The following MPP7 variants were observed in gnomAD, a reference collection of about 807,000 sequenced individuals.
MPP7 encodes the protein MAGUK p55 subfamily member 7.
Under a neutral mutation model 76.5 loss-of-function variants are expected in MPP7, and 60 were observed. The ratio of observed to expected loss-of-function variants is 0.78; its 90% CI spans 0.64 to 0.97. The LOEUF is 0.97. MPP7 is among the 50% of genes least tolerant of loss of function. The pLI is 0.00. For synonymous variants in MPP7, 237 were observed against 244.5 expected, an observed-to-expected ratio of 0.97 and a Z score of 0.29; for missense variants, 641 against 694.0, an observed-to-expected ratio of 0.92 and a Z score of 0.86.
intron 2 of MPP7, among the ~76,000 whole-genome samples, chr10:28,226,187 G>C (rs950570386): frequency 2.6e-5 from 4 of 151,842 alleles, no homozygotes; most frequent in African/African-American, 9.7e-5. Context: ...ATCTAAAATA[G>C]ACAAATTCTA....
intron 1 of MPP7, among the ~76,000 whole-genome samples, chr10:28,282,755 T>C (rs985118473): frequency 1.3e-5 from 2 of 151,962 alleles, no homozygotes; most frequent in Admixed American, 6.6e-5. Flanking sequence ...TGTTCGGATC[T>C]GTGTTACTCC....
intron 2 of MPP7, among the ~76,000 whole-genome samples, chr10:28,205,104 C>G (rs11006916): frequency 6.6e-6 from 1 of 152,158 alleles, no homozygotes; most frequent in African/African-American, 2.4e-5. Flanking sequence ...AAGAGCCGTA[C>G]CTTCCCTTCA....
At chr10:28,265,412 A>G (rs1840118417) in intron 1 of MPP7, among the ~76,000 whole-genome samples, 1 of 152,134 alleles carries the variant, frequency 6.6e-6, no homozygotes, top group South Asian at 2.1e-4. Context: ...TGCAAAACTT[A>G]GCCAGGCATG....
At chr10:28,289,685 C>T (rs1030158205) in intron 1 of MPP7, among the ~76,000 whole-genome samples, 7 of 152,130 alleles carry the variant, frequency 4.6e-5, no homozygotes, top group African/African-American at 9.7e-5. Context: ...AGGATCCACC[C>T]GAACCCACTC....
At chr10:28,303,430 C>T (rs1438342602), upstream of MPP7, 1 of 152,216 alleles carries the variant, frequency 6.6e-6, no homozygotes, top group Non-Finnish European at 1.5e-5. Flanking sequence ...TGCGAGTTTT[C>T]TTAAGCCGCT....
In MPP7 at chr10:28,331,034, T is replaced by C. The variant is rs1383471025; in HGVS notation, c.-205-1032A>G. Among the ~76,000 whole-genome samples, 11 of 152,334 alleles carry C rather than the reference T, an allele frequency of 7.2e-5. No homozygotes were observed. In the East Asian group the frequency reaches 1.2e-3, roughly 16 times the overall value. ...ACTGAGGACAATTTGAAATTATGTG[T>C]GTCATACTTGTTTATTTACCATCTA... On this transcript the variant is annotated intron_variant, in intron 1 of 11. Transcript: ENST00000441595.
At chr10:28,141,731 T>G (rs2985525) in intron 5 of MPP7, among the ~76,000 whole-genome samples, 138,319 of 152,094 alleles carry the variant, frequency 0.91, 62,953 homozygotes, top group African/African-American at 0.95. Context: ...AAATTGCCAC[T>G]GTCTCTGGAA....
rs533803081 is a variant in MPP7 at position 28,117,490 on chromosome 10, A to G, written c.952+2161T>C. Among the ~76,000 whole-genome samples, 225 of 152,254 alleles carry G rather than the reference A, an allele frequency of 1.5e-3. 2 individuals are homozygous for G. The highest frequency in any genetic ancestry group is 0.014 in the Middle Eastern group (4 of 294). On this transcript the variant is annotated intron_variant, in intron 11 of 16. Transcript: ENST00000683449. ...CTGTTTTTCTTCATGGCATTTTCCT[A>G]TAATTCAACAAAGGGCATGATAACG...
intron 11 of MPP7, among the ~76,000 whole-genome samples, chr10:28,095,220 T>C (rs1183320142): frequency 1.6e-5 from 2 of 125,480 alleles, no homozygotes; most frequent in East Asian, 2.1e-4. Context: ...TATATATATA[T>C]ATACAGAAAC....
At chr10:28,135,914 G>A (rs1401391367) in intron 5 of MPP7, among the ~76,000 whole-genome samples, 1 of 152,134 alleles carries the variant, frequency 6.6e-6, no homozygotes, top group Admixed American at 6.5e-5. Context: ...TAGGAACCAG[G>A]CCACACAGTA....
chr10:28,104,396 G>GT (rs1362782038), intron 11 of MPP7, among the ~76,000 whole-genome samples: 1 of 152,106 alleles, frequency 6.6e-6, no homozygotes, highest in Admixed American at 6.6e-5. Flanking sequence ...ATTTTAACAC[G>GT]TTTTTTAAAT....
chr10:28,064,282 T>C (rs1851906369), intron 13 of MPP7, among the ~76,000 whole-genome samples: 1 of 152,204 alleles, frequency 6.6e-6, no homozygotes, highest in South Asian at 2.1e-4. Flanking sequence ...GAATGAATTA[T>C]TGATGTAGGA....
chr10:28,295,275 T>C (rs1437629577), intron 1 of MPP7, among the ~76,000 whole-genome samples: 1 of 152,198 alleles, frequency 6.6e-6, no homozygotes, highest in Non-Finnish European at 1.5e-5. Context: ...CAGTGTTAGT[T>C]CATTTCCTCA....
chr10:28,071,367 T>A (rs1408686349), intron 12 of MPP7, among the ~76,000 whole-genome samples: 1 of 152,196 alleles, frequency 6.6e-6, no homozygotes, highest in Non-Finnish European at 1.5e-5. Flanking sequence ...GTTCTTGCTC[T>A]AATGCCATTT....
At position 28,187,189 on chromosome 10, in the gene MPP7, G is replaced by T. The variant is rs186789777; in HGVS notation, c.156+14964C>A. ...AATGTAGACCACGCGGGAGGGCACA[G>T]TCGCACTAAATATTCACAAATATGG... On this transcript the variant is annotated intron_variant, in intron 3 of 16. Transcript: ENST00000683449. Among the ~76,000 whole-genome samples the T allele has an allele frequency of 9.3e-3, 1,416 of 152,286 alleles. 31 individuals are homozygous for T. Among genetic ancestry groups the T allele is most frequent in the African/African-American group, 0.033 (1,359 of 41,548 alleles).
chr10:28,268,963 C>T (rs1035059895), intron 1 of MPP7, among the ~76,000 whole-genome samples: 6 of 152,104 alleles, frequency 3.9e-5, no homozygotes, highest in African/African-American at 1.4e-4. Flanking sequence ...ATTATAGACT[C>T]ATGAAACTAC....
intron 3 of MPP7, among the ~76,000 whole-genome samples, chr10:28,177,260 C>CAAAAA (rs57984876): frequency 6.7e-5 from 7 of 104,154 alleles, no homozygotes; most frequent in Non-Finnish European, 9.2e-5. Context: ...ACTAAAAATG[C>CAAAAA]AAAAAAAAAA....
At chr10:28,138,286 T>C (rs1231871441) in intron 5 of MPP7, among the ~76,000 whole-genome samples, 1 of 152,208 alleles carries the variant, frequency 6.6e-6, no homozygotes, top group African/African-American at 2.4e-5. Context: ...GATTTATTAA[T>C]GACTATCTCT....
intron 1 of MPP7, among the ~76,000 whole-genome samples, chr10:28,245,229 T>G (rs1381145703): frequency 6.6e-6 from 1 of 152,208 alleles, no homozygotes; most frequent in Non-Finnish European, 1.5e-5. Flanking sequence ...TGACTAATTC[T>G]CAATTTCAGA....
Sources: allele counts gnomAD v4.1 joint callset (sites outside exome capture counted in the v4.1 genomes callset), GRCh38; gene constraint gnomAD v4.1.1; transcripts MANE v1.5; gene names NCBI Gene and HGNC (gene_info 2026-07-23, HGNC 2026-07-21).